The following EIF4G3 variants were observed in gnomAD, a reference collection of about 807,000 sequenced individuals.
The protein encoded by EIF4G3 is eIF-4-gamma 3.
EIF4G3 carries 34 observed loss-of-function variants against 186.4 expected under a neutral mutation model. The ratio of observed to expected loss-of-function variants is 0.18; its 90% confidence interval spans 0.14 to 0.24. The LOEUF is 0.24. Ranked by LOEUF, EIF4G3 falls within the 10% of genes least tolerant of loss-of-function variation. The pLI, the probability that EIF4G3 is intolerant of heterozygous loss-of-function variation, is 1.00. For missense variants in EIF4G3, 1,536 were observed against 1,948.5 expected (o/e 0.79, Z 3.99); for synonymous variants, 673 against 679.5 (o/e 0.99, Z 0.15).
intron 14 of EIF4G3, among the ~76,000 whole-genome samples, chr1:20,937,073 A>G (rs534270283): frequency 6.8e-4 from 104 of 152,334 alleles, no homozygotes; most frequent in Middle Eastern, 3.4e-3. Context: ...AACACCCATA[A>G]GAAAAGAGAG....
chr1:21,155,652 G>A (rs1029381521), intron 2 of EIF4G3, among the ~76,000 whole-genome samples: 1 of 152,068 alleles, frequency 6.6e-6, no homozygotes, highest in African/African-American at 2.4e-5. Context: ...AGCTATGACA[G>A]CGCCACTGCA....
At chr1:20,989,468 A>T (rs2080492570) in intron 7 of EIF4G3, among the ~76,000 whole-genome samples, 1 of 149,440 alleles carries the variant, frequency 6.7e-6, no homozygotes, top group Non-Finnish European at 1.5e-5. Context: ...GAGCCAGGAG[A>T]ATCACTTGAA....
In EIF4G3 at chr1:20,869,643, C is replaced by T. The variant is rs539155302; in HGVS notation, c.2623-4381G>A. Among the ~76,000 whole-genome samples the T allele has an allele frequency of 5.1e-4, 77 of 151,662 alleles. 1 individual carries two copies. In the South Asian group the frequency reaches 0.016, roughly 32 times the overall value. ...ACAAAAAATTAGCTGGGCGTGGTGG[C>T]GGGCGCCTGTAGTCCCAGCTATTCG... is the stretch of plus-strand genomic sequence containing the variant. On this transcript the variant is annotated intron_variant, in intron 20 of 36. Coordinates refer to ENST00000602326, the MANE Select transcript of EIF4G3 (RefSeq NM_001391906.1).
intron 14 of EIF4G3, among the ~76,000 whole-genome samples, chr1:20,906,024 G>A (rs946925902): frequency 4.6e-5 from 7 of 151,970 alleles, no homozygotes; most frequent in Admixed American, 1.3e-4. Flanking sequence ...AAAAGGAGAC[G>A]TTTAATATTA....
At chr1:21,086,065 A>T (rs1557887268) in intron 3 of EIF4G3, among the ~76,000 whole-genome samples, 1 of 152,106 alleles carries the variant, frequency 6.6e-6, no homozygotes, top group Non-Finnish European at 1.5e-5. Context: ...GATTAGGGTG[A>T]CCAGATAATT....
Position 21,147,799 on chromosome 1 carries a change from C to A in EIF4G3, c.-272+28376G>T, listed in dbSNP as rs532063709. Reference sequence around the variant, plus strand: ...AAAATCGTCTATCATTTTCACCTATCAAATCAACAAAAATTGAAAGACTGC... The same window carrying A: ...AAAATCGTCTATCATTTTCACCTATAAAATCAACAAAAATTGAAAGACTGC... On this transcript the variant is annotated intron_variant, in intron 2 of 36. Transcript: ENST00000602326. 9.8e-4 allele frequency among the ~76,000 whole-genome samples: 146 copies of A among 148,404 alleles called. 2 individuals carry two copies. The highest frequency in any genetic ancestry group is 3.6e-3 in the African/African-American group (136 of 38,076).
chr1:20,820,487 C>A (rs71647170), intron 33 of EIF4G3, among the ~76,000 whole-genome samples: 1 of 152,176 alleles, frequency 6.6e-6, no homozygotes, highest in Non-Finnish European at 1.5e-5. Context: ...TGAATGGCAG[C>A]AGGAGGCAGA....
At chr1:20,946,882 A>AT (rs2095973490) in intron 13 of EIF4G3, among the ~76,000 whole-genome samples, 1 of 152,132 alleles carries the variant, frequency 6.6e-6, no homozygotes, top group Non-Finnish European at 1.5e-5. Context: ...TAGAGTTAAC[A>AT]TGAGATTGTG....
rs2154576650 is a variant in EIF4G3 at position 21,050,951 on chromosome 1, G to A, written c.-152C>T. 1 of 717,136 alleles carries A rather than the reference G, an allele frequency of 1.4e-6. No individual in the cohort carries two copies. Among genetic ancestry groups the A allele is most frequent in the Non-Finnish European group, 2.6e-6 (1 of 384,980 alleles). The allele number at this position is 717,136 out of a possible 1,614,324, so 44.4% of individuals were successfully genotyped here. A position where few individuals can be genotyped will look rare whatever the true frequency, so the allele number is the denominator to read the frequency against. On this transcript the variant is annotated 5_prime_UTR_variant, in exon 4 of 37. Transcript: ENST00000602326. Reference sequence around the variant, plus strand: ...CTTGTTTATTTCATGTGCTGAATAAGGGGATGGGGTAGGGGTTCCCGGCTG... The same window carrying A: ...CTTGTTTATTTCATGTGCTGAATAAAGGGATGGGGTAGGGGTTCCCGGCTG...
intron 2 of EIF4G3, among the ~76,000 whole-genome samples, chr1:21,163,215 T>C (rs1407211456): frequency 1.3e-5 from 2 of 152,236 alleles, no homozygotes; most frequent in Non-Finnish European, 2.9e-5. Flanking sequence ...CAGCTTTCAT[T>C]GCCTTACCTA....
At chr1:20,929,183 A>C (rs1236313298) in intron 14 of EIF4G3, among the ~76,000 whole-genome samples, 1 of 151,902 alleles carries the variant, frequency 6.6e-6, no homozygotes, top group Admixed American at 6.6e-5. Context: ...TTTCCCCCCC[A>C]TTCTTCTGAG....
At chr1:20,845,965 ATC>A (rs1351957019) in intron 29 of EIF4G3, among the ~76,000 whole-genome samples, 2 of 152,122 alleles carry the variant, frequency 1.3e-5, no homozygotes, top group Non-Finnish European at 2.9e-5. Context: ...TGTTTGTGTC[ATC>A]TCTGATTTCT....
intron 2 of EIF4G3, among the ~76,000 whole-genome samples, chr1:21,143,651 T>G (rs1048969541): frequency 5.3e-5 from 8 of 152,138 alleles, no homozygotes; most frequent in Non-Finnish European, 1.0e-4. Context: ...CAAAATATTT[T>G]TCAAAAATTT....
At chr1:21,001,394 C>A (rs2083465358) in intron 5 of EIF4G3, 82 bp from the exon 6 acceptor site, 1 of 445,828 alleles carries the variant, frequency 2.2e-6, no homozygotes, top group South Asian at 1.6e-5. Flanking sequence ...AATTCATTTT[C>A]TTTTTTGATA....
intron 20 of EIF4G3, among the ~76,000 whole-genome samples, chr1:20,866,053 G>A (rs1402920871): frequency 6.6e-6 from 1 of 152,164 alleles, no homozygotes; most frequent in Non-Finnish European, 1.5e-5. Flanking sequence ...ACATCCCTCT[G>A]AGCACCATTT....
intron 3 of EIF4G3, among the ~76,000 whole-genome samples, chr1:21,056,132 T>C (rs1454233283): frequency 6.6e-6 from 1 of 152,186 alleles, no homozygotes; most frequent in Non-Finnish European, 1.5e-5. Context: ...TATATCCCTA[T>C]GGTATGCATC....
At chr1:20,934,130 A>G (rs749005304) in intron 14 of EIF4G3, among the ~76,000 whole-genome samples, 2 of 151,812 alleles carry the variant, frequency 1.3e-5, no homozygotes, top group Non-Finnish European at 3.0e-5. Flanking sequence ...CTAACTTAAA[A>G]GAGAGAGAGA....
intron 16 of EIF4G3, among the ~76,000 whole-genome samples, chr1:20,896,435 CAAAAAAA>C (rs201025308): frequency 1.8e-5 from 1 of 54,726 alleles, no homozygotes; most frequent in African/African-American, 6.3e-5. Context: ...GATTCTATCT[CAAAAAAA>C]AAAAAAAAAA....
chr1:21,094,450 G>C (rs1351055297), intron 2 of EIF4G3, among the ~76,000 whole-genome samples: 1 of 151,902 alleles, frequency 6.6e-6, no homozygotes, highest in South Asian at 2.1e-4. Flanking sequence ...CATAAAAAAG[G>C]ATGAGTTCAT....
Sources: gnomAD v4.1 joint callset for allele counts (sites outside exome capture counted in the v4.1 genomes callset) on GRCh38, gnomAD v4.1.1 for gene constraint, MANE v1.5 for transcripts, NCBI Gene and HGNC (gene_info 2026-07-23, HGNC 2026-07-21) for gene names.